USP35: variants seen among roughly 807,000 people sequenced by gnomAD.
The protein encoded by USP35 is ubiquitin carboxyl-terminal hydrolase 35.
In USP35, 69 loss-of-function variants were observed where a neutral mutation model predicts 83.8. That is an observed-to-expected ratio of 0.82 (90% CI 0.68 to 1.01). The LOEUF is 1.01. Ranked by LOEUF, USP35 falls within the 50% of genes least tolerant of loss-of-function variation. The pLI, the probability that USP35 is intolerant of heterozygous loss-of-function variation, is 0.00. For missense variants in USP35, 1,503 were observed against 1,362.5 expected (o/e 1.10, Z -1.62); for synonymous variants, 714 against 589.5 (o/e 1.21, Z -3.06).
the USP35 span, among the ~76,000 whole-genome samples, chr11:78,227,958 T>A: frequency 6.6e-6 from 1 of 152,202 alleles, no homozygotes; most frequent in Non-Finnish European, 1.5e-5. Flanking sequence ...GTTTCCTGTT[T>A]GGGAACTATA....
At chr11:78,197,057 G>C in intron 2 of USP35, 139 bp downstream of exon 2, 2 of 1,351,630 alleles carry the variant, frequency 1.5e-6, no homozygotes, top group East Asian at 5.9e-5. Context: ...CTCAGGTGGA[G>C]GGCTGCAGCC....
chr11:78,225,855 T>C, the USP35 span, among the ~76,000 whole-genome samples: 1 of 152,234 alleles, frequency 6.6e-6, no homozygotes, highest in Non-Finnish European at 1.5e-5. Context: ...AAGAAAAGGC[T>C]TTGCAAACCA....
At chr11:78,195,970 C>T (rs1463880159) in intron 1 of USP35, among the ~76,000 whole-genome samples, 2 of 152,180 alleles carry the variant, frequency 1.3e-5, no homozygotes, top group Non-Finnish European at 2.9e-5. Flanking sequence ...TCAAGGGATC[C>T]TGCTGCCTGG....
At chr11:78,207,493 C>T (rs1419125987) in intron 7 of USP35, 37 bp from the exon 8 acceptor site, 4 of 1,608,552 alleles carry the variant, frequency 2.5e-6, no homozygotes, top group Non-Finnish European at 2.6e-6. Context: ...CTTGGGGGCC[C>T]ATGGCTTACC....
At position 78,209,922 on chromosome 11, in the gene USP35, G is replaced by C. The variant is rs779475574; in HGVS notation, c.2067G>C (p.Glu689Asp). 6.2e-7 allele frequency: 1 copy of C among 1,603,014 alleles called. No homozygotes were observed. Among genetic ancestry groups the C allele is most frequent in the Non-Finnish European group, 8.5e-7 (1 of 1,174,300 alleles). Residue 689 changes from glutamate to aspartate, a missense_variant, in exon 10 of 11, where the codon GAG becomes GAC. Glu to Asp is a conservative substitution (Grantham distance 45). Coordinates refer to ENST00000529308, the MANE Select transcript of USP35 (RefSeq NM_020798.4). ...REEEGKEERT[E>D]KEEVGEEEES... The stretch of plus-strand genomic sequence containing the variant: ...AAGAAGGGAAGGAGGAGAGAACGGA[G>C]AAGGAAGAAGTGGGGGAGGAGGAGG...
At chr11:78,199,100 C>A (rs1020380876) in intron 3 of USP35, 13 of 169,852 alleles carry the variant, frequency 7.7e-5, no homozygotes, top group South Asian at 3.0e-4. Flanking sequence ...ATATCCTGCT[C>A]AATGGTGAAT....
chr11:78,197,067 C>T, intron 2 of USP35, 149 bp downstream of exon 2: 2 of 1,340,268 alleles, frequency 1.5e-6, no homozygotes, highest in Non-Finnish European at 1.9e-6. Flanking sequence ...GGGCTGCAGC[C>T]TGCCTTCATG....
At chr11:78,223,375 C>A in the USP35 span, 1 of 1,452,942 alleles carries the variant, frequency 6.9e-7, no homozygotes, top group African/African-American at 1.4e-5. Context: ...TCCCTAGCCA[C>A]TGTCCAGAGA....
chr11:78,189,088 G>T lies in USP35; in HGVS notation c.-80G>T, dbSNP rs1258451089. 1.8e-5 allele frequency: 9 copies of T among 510,218 alleles called. No individual in the cohort carries two copies. The South Asian group carries it at 5.8e-4, about 33-fold the overall frequency. The allele number at this position is 510,218 out of a possible 1,614,324, so 31.6% of individuals were successfully genotyped here. A position where few individuals can be genotyped will look rare whatever the true frequency, so the allele number is the denominator to read the frequency against. On this transcript the variant is annotated 5_prime_UTR_variant, in exon 1 of 11. Coordinates refer to ENST00000529308, the MANE Select transcript of USP35 (RefSeq NM_020798.4). ...AGAGGACCAGCCCTGACCTAGCCGG[G>T]CCCAGCCTCGTCCTGCCCGGCCTGA...
Position 78,196,936 on chromosome 11 carries a change from G to C in USP35, c.673+18G>C. The C allele has an allele frequency of 7.0e-7, 1 of 1,437,956 alleles. No homozygotes were observed. Among genetic ancestry groups the C allele is most frequent in the Non-Finnish European group, 9.1e-7 (1 of 1,099,340 alleles). The allele number at this position is 1,437,956 out of a possible 1,614,324, so 89.1% of individuals were successfully genotyped here. On this transcript the variant is annotated intron_variant, in intron 2 of 10. Coordinates refer to ENST00000529308, the MANE Select transcript of USP35 (RefSeq NM_020798.4). The surrounding 1 kb of genome is among the most constrained non-coding windows in gnomAD (Gnocchi z 4.8). ...CTGCGCAGGTGCGTGTGCGGCCGGG[G>C]CAGGAGCGCGGGCATGCGGAGGTCC...
intron 1 of USP35, among the ~76,000 whole-genome samples, chr11:78,192,367 A>G (rs1177208861): frequency 6.6e-6 from 1 of 152,082 alleles, no homozygotes; most frequent in African/African-American, 2.4e-5. Flanking sequence ...GCAGGTTCTA[A>G]TCCTGCTTTG....
chr11:78,190,124 G>T (rs934637145), intron 1 of USP35, among the ~76,000 whole-genome samples: 2 of 152,182 alleles, frequency 1.3e-5, no homozygotes, highest in African/African-American at 4.8e-5. Flanking sequence ...CAGAGGCTGG[G>T]AGGGGCTGCT....
intron 10 of USP35, among the ~76,000 whole-genome samples, chr11:78,212,799 G>C (rs145183864): frequency 1.3e-5 from 2 of 152,214 alleles, no homozygotes; most frequent in East Asian, 3.9e-4. Context: ...CCTGGGATGA[G>C]ATAATGACAT....
chr11:78,206,613 C>T (rs1311323472), intron 7 of USP35, among the ~76,000 whole-genome samples: 2 of 152,212 alleles, frequency 1.3e-5, no homozygotes, highest in Non-Finnish European at 2.9e-5. Flanking sequence ...CTTCTCAAAA[C>T]GCCTAGTGAA....
chr11:78,200,815 G>A lies in USP35; in HGVS notation c.1197+7G>A. On this transcript the variant is annotated splice_region_variant and intron_variant, in intron 6 of 10. Coordinates refer to ENST00000529308, the MANE Select transcript of USP35 (RefSeq NM_020798.4). Reference sequence around the variant, plus strand: ...TGTCATGGAGGCCATCAAGGTGAGCGACAGTCCCCTACTTGGGCCTTGCCC... The same window carrying A: ...TGTCATGGAGGCCATCAAGGTGAGCAACAGTCCCCTACTTGGGCCTTGCCC... 2.5e-6 allele frequency: 4 copies of A among 1,598,282 alleles called. No homozygotes were observed. Among genetic ancestry groups the A allele is most frequent in the Non-Finnish European group, 3.4e-6 (4 of 1,169,166 alleles).
In USP35 at chr11:78,196,727, G is replaced by A. The variant is rs554477821; in HGVS notation, c.482G>A (p.Arg161His). Residue 161 changes from arginine (R) to histidine (H), a missense_variant, in exon 2 of 11, where the codon CGC becomes CAC. Transcript: ENST00000529308. This position sits in a 1 kb window ranked among gnomAD's most constrained non-coding sequence, Gnocchi z 4.8. ...HPRCVPDGPH[R>H]LLFCQQLVRC... Reference sequence around the variant, plus strand: ...CGCTGTGTGCCCGACGGACCCCACCGCCTGCTCTTCTGCCAGCAGCTGGTG... The same window carrying A: ...CGCTGTGTGCCCGACGGACCCCACCACCTGCTCTTCTGCCAGCAGCTGGTG... 4 of 1,530,738 alleles carry A rather than the reference G, an allele frequency of 2.6e-6. No individual in the cohort carries two copies. Among genetic ancestry groups the A allele is most frequent in the Admixed American group, 2.0e-5 (1 of 50,836 alleles). The allele number at this position is 1,530,738 out of a possible 1,614,324, so 94.8% of individuals were successfully genotyped here.
intron 6 of USP35, among the ~76,000 whole-genome samples, chr11:78,202,454 C>T (rs191775341): frequency 1.4e-4 from 22 of 152,166 alleles, no homozygotes; most frequent in Non-Finnish European, 2.8e-4. Flanking sequence ...TGGCCCTTCC[C>T]CACATTAAAA....
At position 78,214,146 on chromosome 11, in the gene USP35, C is replaced by T. The variant is rs148159591; in HGVS notation, c.*333C>T. 5 of 240,324 alleles carry T rather than the reference C, an allele frequency of 2.1e-5. No homozygotes were observed. Among genetic ancestry groups the T allele is most frequent in the Non-Finnish European group, 4.0e-5 (5 of 125,848 alleles). The allele number at this position is 240,324 out of a possible 1,614,324, so 14.9% of individuals were successfully genotyped here. A position where few individuals can be genotyped will look rare whatever the true frequency, so the allele number is the denominator to read the frequency against. On this transcript the variant is annotated 3_prime_UTR_variant, in exon 11 of 11. Coordinates refer to ENST00000529308, the MANE Select transcript of USP35 (RefSeq NM_020798.4). ...GATGATGTTCAGGAAACAGGCTAGA[C>T]CTCAGCTCCAATGTTTTGACATCAA... is the stretch of plus-strand genomic sequence containing the variant.
In USP35 at chr11:78,199,122, G is replaced by A. The variant is rs533006345; in HGVS notation, c.807-473G>A. The A allele has an allele frequency of 9.7e-5, 17 of 176,128 alleles. No homozygotes were observed. The South Asian group carries it at 2.4e-3, about 25-fold the overall frequency. 10.9% of individuals were successfully genotyped at this position (176,128 alleles called of 1,614,324 possible). A position where few individuals can be genotyped will look rare whatever the true frequency, so the allele number is the denominator to read the frequency against. On this transcript the variant is annotated intron_variant, in intron 3 of 10. Transcript: ENST00000529308. Reference sequence around the variant, plus strand: ...GCTCAATGGTGAATACGACCTAAGTGTTAGCTGCTGTTATCTCCTTTAATC... The same window carrying A: ...GCTCAATGGTGAATACGACCTAAGTATTAGCTGCTGTTATCTCCTTTAATC...
Sources: gnomAD v4.1 joint callset for allele counts (sites outside exome capture counted in the v4.1 genomes callset) on GRCh38, gnomAD v4.1.1 for gene constraint, Gnocchi (gnomAD v3.1) non-coding constraint, MANE v1.5 for transcripts, NCBI Gene and HGNC (gene_info 2026-07-23, HGNC 2026-07-21) for gene names.